The following CSMD3 variants were observed in gnomAD, a reference collection of about 807,000 sequenced individuals.
CSMD3 encodes the protein CUB and sushi domain-containing protein 3.
CSMD3 carries 177 observed loss-of-function variants against 435.2 expected under a neutral mutation model. The ratio of observed to expected loss-of-function variants is 0.41; its 90% confidence interval spans 0.36 to 0.46. CSMD3 has a LOEUF of 0.46. Ranked by LOEUF, CSMD3 falls within the 20% of genes least tolerant of loss-of-function variation. The pLI is 0.34. For synonymous variants in CSMD3, 1,656 were observed against 1,520.5 expected (o/e 1.09, Z -2.07); for missense variants, 4,265 against 4,504.6 (o/e 0.95, Z 1.52).
intron 22 of CSMD3, among the ~76,000 whole-genome samples, chr8:112,589,463 G>T (rs1830994196): frequency 6.6e-6 from 1 of 151,986 alleles, no homozygotes; most frequent in Non-Finnish European, 1.5e-5. Flanking sequence ...GGCTGTGATG[G>T]TATATTAAAT....
intron 3 of CSMD3, among the ~76,000 whole-genome samples, chr8:113,261,063 G>A (rs2093423418): frequency 6.6e-6 from 1 of 152,092 alleles, no homozygotes; most frequent in African/African-American, 2.4e-5. Flanking sequence ...ACAGTGGAAT[G>A]GAAATCTCTG....
At chr8:113,332,775 G>T (rs2094038089) in intron 1 of CSMD3, among the ~76,000 whole-genome samples, 1 of 151,504 alleles carries the variant, frequency 6.6e-6, no homozygotes, top group African/African-American at 2.4e-5. Flanking sequence ...TTGACAAGTT[G>T]ATGCCAAAAA....
intron 70 of CSMD3, among the ~76,000 whole-genome samples, chr8:112,227,903 A>G (rs984814436): frequency 2.8e-4 from 42 of 152,176 alleles, no homozygotes; most frequent in Admixed American, 1.8e-3. Flanking sequence ...TTAGCCGGGC[A>G]TGATGGCGGG....
At chr8:112,929,084 T>G (rs1483339870) in intron 9 of CSMD3, among the ~76,000 whole-genome samples, 1 of 150,034 alleles carries the variant, frequency 6.7e-6, no homozygotes, top group Non-Finnish European at 1.5e-5. Context: ...CATAAATGTC[T>G]TCTTTTGAGA....
intron 13 of CSMD3, among the ~76,000 whole-genome samples, chr8:112,722,643 G>C (rs554277692): frequency 1.3e-5 from 2 of 152,010 alleles, no homozygotes; most frequent in South Asian, 4.1e-4. Flanking sequence ...TGGCAAAATC[G>C]TAAAAACTGA....
chr8:112,229,815 C>T (rs1227226591), intron 69 of CSMD3, among the ~76,000 whole-genome samples: 7 of 149,590 alleles, frequency 4.7e-5, no homozygotes, highest in South Asian at 2.1e-4. Flanking sequence ...TAGAACATAG[C>T]GGTAGTAGGA....
rs189520018 is a variant in CSMD3, at chr8:112,930,568, G to A, written c.1509-8817C>T. The stretch of plus-strand genomic sequence containing the variant: ...CACAATGTTATAAATTATCCAAAAT[G>A]ATCAAGTTTATTTTTAATCCTAATA... On this transcript the variant is annotated intron_variant, in intron 9 of 70. Transcript: ENST00000297405. 8.9e-3 allele frequency among the ~76,000 whole-genome samples: 1,349 copies of A among 152,010 alleles called. 11 individuals carry two copies. The highest frequency in any genetic ancestry group is 0.015 in the Non-Finnish European group (986 of 67,912).
chr8:113,168,412 T>C (rs956411899), intron 4 of CSMD3, among the ~76,000 whole-genome samples: 11 of 148,884 alleles, frequency 7.4e-5, no homozygotes, highest in African/African-American at 2.5e-4. Context: ...TCCCAGCTAC[T>C]TGGGAGGCTG....
intron 70 of CSMD3, 123 bp downstream of exon 70, chr8:112,228,633 T>C: frequency 1.0e-6 from 1 of 973,456 alleles, no homozygotes; most frequent in Non-Finnish European, 1.6e-6. Context: ...TGACAATAGT[T>C]AGCACACAGA....
chr8:113,210,045 T>TGA (rs1554576492), intron 3 of CSMD3, among the ~76,000 whole-genome samples: 21 of 103,466 alleles, frequency 2.0e-4, no homozygotes, highest in East Asian at 4.8e-4. Flanking sequence ...TGTGTGTGTG[T>TGA]GATACACAGT....
intron 5 of CSMD3, among the ~76,000 whole-genome samples, chr8:113,030,181 A>G (rs535990105): frequency 6.6e-6 from 1 of 151,488 alleles, no homozygotes. Context: ...TGGAATCAAT[A>G]TTGTGACAAT....
intron 13 of CSMD3, among the ~76,000 whole-genome samples, chr8:112,712,795 TAA>T (rs200364867): frequency 0.34 from 46,814 of 137,688 alleles, 8,225 homozygotes; most frequent in African/African-American, 0.51. Context: ...GAATCAAAAA[TAA>T]AAAAAAAAAA....
intron 10 of CSMD3, among the ~76,000 whole-genome samples, chr8:112,877,621 C>A (rs2081324693): frequency 6.6e-6 from 1 of 152,010 alleles, no homozygotes; most frequent in African/African-American, 2.4e-5. Flanking sequence ...CAATCCTCAG[C>A]AAAAAGAACA....
intron 16 of CSMD3, among the ~76,000 whole-genome samples, chr8:112,680,980 G>T (rs7820337): frequency 0.38 from 57,661 of 151,226 alleles, 12,390 homozygotes; most frequent in African/African-American, 0.59. Context: ...AAAGGTGTTA[G>T]ACAGTTATAG....
chr8:112,513,106 A>T (rs1823302421), intron 28 of CSMD3, among the ~76,000 whole-genome samples: 1 of 152,154 alleles, frequency 6.6e-6, no homozygotes, highest in African/African-American at 2.4e-5. Context: ...GATTTGCTTC[A>T]TATCTGCAAC....
chr8:113,236,958 C>G (rs1202498353), intron 3 of CSMD3, among the ~76,000 whole-genome samples: 1 of 152,104 alleles, frequency 6.6e-6, no homozygotes, highest in Non-Finnish European at 1.5e-5. Context: ...CCAGAATATA[C>G]TTGCACCTCC....
intron 3 of CSMD3, among the ~76,000 whole-genome samples, chr8:113,218,159 T>C (rs2092927322): frequency 6.7e-6 from 1 of 149,852 alleles, no homozygotes; most frequent in African/African-American, 2.4e-5. Context: ...TCAAGTAAGC[T>C]CTAAGTGAAT....
chr8:112,889,188 T>C (rs1226977896), intron 10 of CSMD3, among the ~76,000 whole-genome samples: 2 of 151,622 alleles, frequency 1.3e-5, no homozygotes, highest in Admixed American at 6.6e-5. Flanking sequence ...ATTCTTATAA[T>C]TGAAATGCCA....
chr8:113,414,390 C>T (rs1026851870), intron 1 of CSMD3, among the ~76,000 whole-genome samples: 13 of 152,134 alleles, frequency 8.5e-5, no homozygotes, highest in African/African-American at 3.1e-4. Context: ...GTTCACATCA[C>T]TTCTAGCACC....
Sources: gnomAD v4.1 joint callset for allele counts (sites outside exome capture counted in the v4.1 genomes callset) on GRCh38, gnomAD v4.1.1 for gene constraint, MANE v1.5 for transcripts, NCBI Gene and HGNC (gene_info 2026-07-23, HGNC 2026-07-21) for gene names.